TAFA5: variants seen among roughly 807,000 people sequenced by gnomAD.
The protein encoded by TAFA5 is chemokine-like protein TAFA-5.
A neutral mutation model predicts 15.3 loss-of-function variants in TAFA5; 6 were observed. The ratio of observed to expected loss-of-function variants is 0.39; its 90% CI spans 0.21 to 0.77. The LOEUF (loss-of-function observed/expected upper bound fraction) is 0.77, where lower values mean the gene tolerates loss of function less well. Ranked by LOEUF, TAFA5 falls within the 30% of genes least tolerant of loss-of-function variation. TAFA5 has a pLI of 0.41. For missense variants in TAFA5, 161 were observed against 193.1 expected (o/e 0.83, Z 0.98); for synonymous variants, 103 against 80.7 (o/e 1.28, Z -1.48).
intron 1 of TAFA5, among the ~76,000 whole-genome samples, chr22:48,584,484 A>G (rs1924250796): frequency 6.8e-6 from 1 of 146,580 alleles, no homozygotes; most frequent in Admixed American, 7.0e-5. Context: ...CTACACATTC[A>G]CACCACACAC....
At chr22:48,600,487 C>A (rs1339326015) in intron 1 of TAFA5, among the ~76,000 whole-genome samples, 3 of 152,226 alleles carry the variant, frequency 2.0e-5, no homozygotes, top group Non-Finnish European at 4.4e-5. Flanking sequence ...GTGTTCCGAA[C>A]TGTGCAGTGT....
intron 2 of TAFA5, among the ~76,000 whole-genome samples, chr22:48,681,515 G>C (rs1928185972): frequency 6.6e-6 from 1 of 150,536 alleles, no homozygotes; most frequent in African/African-American, 2.4e-5. Flanking sequence ...ATTAGGCGTG[G>C]GGGTAGGTGC....
rs779019132 is a variant in TAFA5 at position 48,628,275 on chromosome 22, C to T, written c.113-18322C>T. Among the ~76,000 whole-genome samples, 5 of 152,318 alleles carry T rather than the reference C, an allele frequency of 3.3e-5. No individual in the cohort carries two copies. The South Asian group carries it at 1.0e-3, about 32-fold the overall frequency. On this transcript the variant is annotated intron_variant, in intron 1 of 3. Transcript: ENST00000402357. ...CATGGGGAGGCTGGCTGCTGCCCCA[C>T]GGGACCCAGCTTGTGGGGGTGTCAG...
chr22:48,651,508 A>G (rs968289338), intron 2 of TAFA5, among the ~76,000 whole-genome samples: 2 of 151,864 alleles, frequency 1.3e-5, no homozygotes, highest in Non-Finnish European at 2.9e-5. Context: ...GAGGCAGAAA[A>G]CAGGCAGGTG....
chr22:48,694,818 C>T (rs1183750210), intron 2 of TAFA5, among the ~76,000 whole-genome samples: 3 of 37,696 alleles, frequency 8.0e-5, no homozygotes, highest in Admixed American at 2.6e-4. Flanking sequence ...CCCCACCCGC[C>T]GCCGCTCCGA....
chr22:48,724,261 T>C (rs917943045), intron 3 of TAFA5, among the ~76,000 whole-genome samples: 2 of 152,218 alleles, frequency 1.3e-5, no homozygotes, highest in African/African-American at 4.8e-5. Flanking sequence ...TGTTTTGTTG[T>C]TGGTTAGATT....
rs1345221222 is a variant in TAFA5 at position 48,490,711 on chromosome 22, C to T, written c.112+1007C>T. Among the ~76,000 whole-genome samples the T allele has an allele frequency of 7.0e-6, 1 of 142,846 alleles. No individual in the cohort carries two copies. Among genetic ancestry groups the T allele is most frequent in the African/African-American group, 2.7e-5 (1 of 37,040 alleles). The allele number at this position is 142,846 out of a possible 152,430, so 93.7% of individuals were successfully genotyped here. Reference sequence around the variant, plus strand: ...CTTCAGCGGGAGAATAGGACGGGTGCTGGGGAGCACCTGTCATGGAGAATT... The same window carrying T: ...CTTCAGCGGGAGAATAGGACGGGTGTTGGGGAGCACCTGTCATGGAGAATT... On this transcript the variant is annotated intron_variant, in intron 1 of 3. Coordinates refer to ENST00000402357, the MANE Select transcript of TAFA5 (RefSeq NM_001082967.3). The surrounding 1 kb of genome is among the most constrained non-coding windows in gnomAD (Gnocchi z 5.8).
chr22:48,617,517 C>A (rs927230634), intron 1 of TAFA5, among the ~76,000 whole-genome samples: 3 of 152,188 alleles, frequency 2.0e-5, no homozygotes, highest in Non-Finnish European at 2.9e-5. Context: ...CAGGCACTCC[C>A]GTCCCTGCCT....
At chr22:48,613,822 A>G (rs1333887743) in intron 1 of TAFA5, among the ~76,000 whole-genome samples, 1 of 152,042 alleles carries the variant, frequency 6.6e-6, no homozygotes, top group Admixed American at 6.5e-5. Context: ...GGCCCCCTCG[A>G]GCTCCTGGTG....
intron 1 of TAFA5, among the ~76,000 whole-genome samples, chr22:48,506,550 G>C (rs1183076755): frequency 6.6e-6 from 1 of 152,212 alleles, no homozygotes; most frequent in Non-Finnish European, 1.5e-5. Flanking sequence ...TGGAGGATAG[G>C]AGCTGGCTTC....
At chr22:48,548,781 A>G (rs1321204912) in intron 1 of TAFA5, among the ~76,000 whole-genome samples, 1 of 152,228 alleles carries the variant, frequency 6.6e-6, no homozygotes, top group Non-Finnish European at 1.5e-5. Flanking sequence ...AGTTTTCCCA[A>G]CAGTCGCCTA....
chr22:48,620,074 G>C (rs540027281), intron 1 of TAFA5, among the ~76,000 whole-genome samples: 1 of 152,340 alleles, frequency 6.6e-6, no homozygotes, highest in Admixed American at 6.5e-5. Context: ...GTGGAGGATG[G>C]CGGCGTCGAG....
chr22:48,634,120 G>GCTGA (rs1555894541), intron 1 of TAFA5, among the ~76,000 whole-genome samples: 1 of 150,742 alleles, frequency 6.6e-6, no homozygotes, highest in Non-Finnish European at 1.5e-5. Context: ...TCACTCACTC[G>GCTGA]CTCACTCACT....
At chr22:48,747,161 A>C (rs1930352534) in intron 3 of TAFA5, among the ~76,000 whole-genome samples, 1 of 152,146 alleles carries the variant, frequency 6.6e-6, no homozygotes, top group Non-Finnish European at 1.5e-5. Context: ...CCTAAGAACT[A>C]AGGGGCCCTG....
At chr22:48,649,595 G>GTTCTACAGAGCTGGATCCTGGGGCGAGC (rs1324798359) in intron 2 of TAFA5, among the ~76,000 whole-genome samples, 1 of 152,180 alleles carries the variant, frequency 6.6e-6, no homozygotes, top group African/African-American at 2.4e-5. Context: ...TCAGGCCTCG[G>GTTCTACAGAGCTGGATCCTGGGGCGAGC]TTCTACAGAG....
At chr22:48,739,459 A>G (rs979885816) in intron 3 of TAFA5, among the ~76,000 whole-genome samples, 2 of 152,000 alleles carry the variant, frequency 1.3e-5, no homozygotes, top group African/African-American at 4.8e-5. Context: ...ACCTCATGGC[A>G]CAGAAGGGCT....
intron 2 of TAFA5, among the ~76,000 whole-genome samples, chr22:48,700,625 G>C (rs982533278): frequency 5.9e-5 from 9 of 152,132 alleles, no homozygotes; most frequent in African/African-American, 2.2e-4. Context: ...CTTGGTACAC[G>C]TGAGTGTGCA....
chr22:48,634,012 A>G (rs1926342573), intron 1 of TAFA5, among the ~76,000 whole-genome samples: 3 of 151,416 alleles, frequency 2.0e-5, no homozygotes, highest in Admixed American at 1.3e-4. Context: ...GGGCCTGTTG[A>G]CGGTGCACTG....
rs73425930 is a variant in TAFA5, at chr22:48,573,146, C to T, written c.113-73451C>T. 4.6e-3 allele frequency among the ~76,000 whole-genome samples: 706 copies of T among 152,248 alleles called. 4 individuals are homozygous for T. Among genetic ancestry groups the T allele is most frequent in the African/African-American group, 0.015 (618 of 41,546 alleles). ...GGGTTTGGGGGAAGACACACCCACC[C>T]GGCACTGTGGAAGTGCAGCTCTTTG... On this transcript the variant is annotated intron_variant, in intron 1 of 3. Transcript: ENST00000402357.
Sources: allele counts gnomAD v4.1 joint callset (sites outside exome capture counted in the v4.1 genomes callset), GRCh38; gene constraint gnomAD v4.1.1; non-coding constraint Gnocchi (gnomAD v3.1); transcripts MANE v1.5; gene names NCBI Gene and HGNC (gene_info 2026-07-23, HGNC 2026-07-21).